NBAS: variants seen among roughly 807,000 people sequenced by gnomAD.
The protein encoded by NBAS is NBAS subunit of NRZ tethering complex.
A neutral mutation model predicts 302.5 loss-of-function variants in NBAS; 219 were observed. That is an observed-to-expected ratio of 0.72 (90% CI 0.65 to 0.81). The LOEUF is 0.81. NBAS is among the 30% of genes least tolerant of loss of function. NBAS has a pLI of 0.00. For missense variants in NBAS, 2,932 were observed against 2,841.6 expected (o/e 1.03, Z -0.72); for synonymous variants, 1,118 against 1,021.6 (o/e 1.09, Z -1.80).
intron 25 of NBAS, among the ~76,000 whole-genome samples, chr2:15,403,113 T>C (rs902232694): frequency 6.6e-6 from 1 of 151,502 alleles, no homozygotes; most frequent in Non-Finnish European, 1.5e-5. Context: ...AGAGCTCTTT[T>C]GAACAATAAA....
At chr2:14,873,056 G>A in the NBAS span, among the ~76,000 whole-genome samples, 1 of 152,194 alleles carries the variant, frequency 6.6e-6, no homozygotes, top group Non-Finnish European at 1.5e-5. Context: ...GCAGGTGGCC[G>A]AGGCTAGCTC....
At chr2:15,436,653 A>G (rs1224779464) in intron 21 of NBAS, among the ~76,000 whole-genome samples, 11 of 152,220 alleles carry the variant, frequency 7.2e-5, no homozygotes, top group Admixed American at 7.2e-4. Flanking sequence ...GTGTCAGTCA[A>G]TGCGGTGTTC....
the NBAS span, among the ~76,000 whole-genome samples, chr2:14,877,639 A>AT: frequency 0.014 from 2,199 of 152,184 alleles, 61 homozygotes; most frequent in African/African-American, 0.05. Flanking sequence ...GGTTTTCAAG[A>AT]TTTTTTTAAT....
chr2:14,949,103 A>C, the NBAS span, among the ~76,000 whole-genome samples: 1 of 152,212 alleles, frequency 6.6e-6, no homozygotes, highest in Non-Finnish European at 1.5e-5. Context: ...AAATTGGATT[A>C]CAGACTTAAA....
the NBAS span, among the ~76,000 whole-genome samples, chr2:15,026,916 A>G: frequency 1.3e-5 from 2 of 152,182 alleles, no homozygotes; most frequent in Admixed American, 1.3e-4. Context: ...TCTCACATCT[A>G]TTACGACATA....
intron 40 of NBAS, among the ~76,000 whole-genome samples, chr2:15,296,505 G>A (rs1670555119): frequency 1.3e-5 from 2 of 151,340 alleles, no homozygotes; most frequent in South Asian, 2.1e-4. Context: ...CAGCCTGGGT[G>A]ACAGCATGAG....
chr2:15,475,605 AAGAC>A (rs1203630721), intron 14 of NBAS, 78 bp downstream of exon 14: 2 of 1,301,244 alleles, frequency 1.5e-6, no homozygotes, highest in Non-Finnish European at 2.2e-6. Context: ...AAAAGATAAT[AAGAC>A]AACTCAAATA....
At position 15,490,957 on chromosome 2, in the gene NBAS, G is replaced by A. The variant is rs1224294611; in HGVS notation, c.955-1935C>T. Reference sequence around the variant, plus strand: ...ACAACTCCATTGAAATGCTCTGAAAGCAAGAAAAAAGTTTATGAATCTCTT... The same window carrying A: ...ACAACTCCATTGAAATGCTCTGAAAACAAGAAAAAAGTTTATGAATCTCTT... On this transcript the variant is annotated intron_variant, in intron 11 of 51. Transcript: ENST00000281513. 2.6e-5 allele frequency among the ~76,000 whole-genome samples: 4 copies of A among 152,126 alleles called. No homozygotes were observed. The East Asian group carries it at 5.8e-4, about 22-fold the overall frequency.
At chr2:15,536,181 C>T (rs542562223) in intron 8 of NBAS, among the ~76,000 whole-genome samples, 7 of 151,996 alleles carry the variant, frequency 4.6e-5, no homozygotes, top group Admixed American at 6.5e-5. Flanking sequence ...GATTAATAGC[C>T]GGATAGAGGG....
intron 26 of NBAS, among the ~76,000 whole-genome samples, chr2:15,397,949 A>G (rs938129180): frequency 6.6e-6 from 1 of 152,206 alleles, no homozygotes; most frequent in African/African-American, 2.4e-5. Context: ...ACAATTAATC[A>G]GTGCAACTTA....
chr2:15,510,807 C>T (rs1662102341), intron 10 of NBAS, among the ~76,000 whole-genome samples: 1 of 152,192 alleles, frequency 6.6e-6, no homozygotes, highest in Non-Finnish European at 1.5e-5. Flanking sequence ...TCACTTACCA[C>T]CTCATCAACA....
chr2:15,414,843 G>C (rs992563294), intron 25 of NBAS, among the ~76,000 whole-genome samples: 3 of 152,118 alleles, frequency 2.0e-5, no homozygotes, highest in African/African-American at 7.2e-5. Context: ...TACTCGGAAG[G>C]CTGAGGCAGG....
chr2:15,475,843 C>T lies in NBAS; in HGVS notation c.1185G>A (p.Trp395Ter), dbSNP rs758557442. The change falls in exon 14 of 52, where the codon TGG becomes TGA. Residue 395 changes from tryptophan to a stop codon, truncating the protein, a stop_gained. Transcript: ENST00000281513. LOFTEE classifies it high-confidence loss of function. ...CTAAAGTCACTGCACTGTCTGCCCA[C>T]CAATTGACATCTATCAGTGGGTAAA... The part of the protein sequence containing the change: ...ESFYPLIDVN[W>*]WADSAVTLAR... 2.2e-5 allele frequency: 35 copies of T among 1,613,750 alleles called. No homozygotes were observed. Among genetic ancestry groups the T allele is most frequent in the Non-Finnish European group, 1.9e-5 (22 of 1,179,898 alleles).
the NBAS span, among the ~76,000 whole-genome samples, chr2:15,068,286 G>C: frequency 5.3e-5 from 8 of 152,292 alleles, no homozygotes; most frequent in East Asian, 1.5e-3. Flanking sequence ...TATGTGGGGG[G>C]AAACATCTGT....
In NBAS at chr2:15,396,402, A is replaced by AT; in HGVS notation, c.3134+10dup. On this transcript the variant is annotated intron_variant, in intron 27 of 51. Coordinates refer to ENST00000281513, the MANE Select transcript of NBAS (RefSeq NM_015909.4). ...AGCATGGAGAAAAAAAAAAACTGTCATTTTTCTCACCTGAGAATTTGTTCC... is the reference window on the plus strand; with the variant it reads ...AGCATGGAGAAAAAAAAAAACTGTCATTTTTTCTCACCTGAGAATTTGTTCC... 6.2e-7 allele frequency: 1 copy of AT among 1,601,078 alleles called. No homozygotes were observed. The highest frequency in any genetic ancestry group is 8.5e-7 in the Non-Finnish European group (1 of 1,174,032).
intron 22 of NBAS, among the ~76,000 whole-genome samples, chr2:15,425,296 T>C (rs559006086): frequency 6.6e-6 from 1 of 152,326 alleles, no homozygotes; most frequent in East Asian, 1.9e-4. Flanking sequence ...TGTAAGGCAA[T>C]GAGCTTTGGA....
the NBAS span, among the ~76,000 whole-genome samples, chr2:15,146,589 AT>A: frequency 6.6e-6 from 1 of 152,110 alleles, no homozygotes; most frequent in African/African-American, 2.4e-5. Flanking sequence ...CAAGGCTGCC[AT>A]GTCCAGTGAG....
At chr2:14,781,784 C>A in the NBAS span, among the ~76,000 whole-genome samples, 1 of 149,820 alleles carries the variant, frequency 6.7e-6, no homozygotes, top group Non-Finnish European at 1.5e-5. Context: ...TGTTTAATAT[C>A]CCCATCCTTT....
chr2:14,963,531 A>G, the NBAS span, among the ~76,000 whole-genome samples: 1 of 152,214 alleles, frequency 6.6e-6, no homozygotes, highest in Non-Finnish European at 1.5e-5. Context: ...AGGAAAGAGA[A>G]CTGGAAGGTG....
Sources: allele counts gnomAD v4.1 joint callset (sites outside exome capture counted in the v4.1 genomes callset), GRCh38; gene constraint gnomAD v4.1.1; transcripts MANE v1.5; gene names NCBI Gene and HGNC (gene_info 2026-07-23, HGNC 2026-07-21).